The following DST variants were observed in gnomAD, a reference collection of about 807,000 sequenced individuals.
The protein encoded by DST is bullous pemphigoid antigen.
Under a neutral mutation model 875.2 loss-of-function variants are expected in DST, and 253 were observed. The observed-to-expected ratio is 0.29, with a 90% CI of 0.26 to 0.32. The LOEUF is 0.32. Ranked by LOEUF, DST falls within the 10% of genes least tolerant of loss-of-function variation. The probability of loss-of-function intolerance (pLI) is 1.00; values close to 1 mark genes in which losing one functional copy is unlikely to be tolerated. For missense variants in DST, 8,287 were observed against 9,111.6 expected (o/e 0.91, Z 3.68); for synonymous variants, 3,124 against 3,197.1 (o/e 0.98, Z 0.77).
In DST at chr6:56,463,713, C is replaced by T. The variant is rs1477320329; in HGVS notation, c.22811G>A (p.Gly7604Asp). The change falls in exon 101 of 104, where the codon GGT becomes GAT. Residue 7604 changes from glycine to aspartate, a missense_variant. Gly to Asp is a moderately conservative substitution (Grantham distance 94). Around this residue, in one of 10 missense-constraint regions of DST, gnomAD observed 64 missense variants for 86.2 expected, o/e 0.74. Transcript: ENST00000680361. ...GAAAGCAGCCATACCCTGGCTGGCA[C>T]CATCTGCTAAAATGAACTTCTCACG... ...ELREKFILADGASQGMAAFRP... is the reference protein window; with the variant it reads ...ELREKFILADDASQGMAAFRP... 3.7e-6 allele frequency: 6 copies of T among 1,613,880 alleles called. No homozygotes were observed. In the Admixed American group the frequency reaches 5.0e-5, roughly 13 times the overall value.
intron 4 of DST, among the ~76,000 whole-genome samples, chr6:56,739,613 T>C (rs767242270): frequency 1.3e-5 from 2 of 152,118 alleles, no homozygotes; most frequent in Admixed American, 6.5e-5. Flanking sequence ...CAGGTTGAGA[T>C]AGGAGGTCAG....
chr6:56,598,309 C>G (rs1266661409), intron 46 of DST, among the ~76,000 whole-genome samples, 167 bp downstream of exon 46: 1 of 152,184 alleles, frequency 6.6e-6, no homozygotes, highest in Non-Finnish European at 1.5e-5. Context: ...AAAGCCAACT[C>G]TTCAAACCTT....
rs1405343193 is a variant in DST, at chr6:56,938,130, A to G, written c.216+15655T>C. Among the ~76,000 whole-genome samples, 6 of 125,036 alleles carry G rather than the reference A, an allele frequency of 4.8e-5. 2 individuals are homozygous for G. In the South Asian group the frequency reaches 1.6e-3, roughly 34 times the overall value. The allele number at this position is 125,036 out of a possible 152,430, so 82.0% of individuals were successfully genotyped here. A position where few individuals can be genotyped will look rare whatever the true frequency, so the allele number is the denominator to read the frequency against. On this transcript the variant is annotated intron_variant, in intron 2 of 103. Coordinates refer to ENST00000680361, the MANE Select transcript of DST (RefSeq NM_001374736.1). ...TCTCTATATATATATATATATATATATGTTTAAAAAAAAATTTTTTTGAGA... is the reference window on the plus strand; with the variant it reads ...TCTCTATATATATATATATATATATGTGTTTAAAAAAAAATTTTTTTGAGA...
At chr6:56,745,955 G>A (rs969032866) in intron 4 of DST, among the ~76,000 whole-genome samples, 2 of 152,040 alleles carry the variant, frequency 1.3e-5, no homozygotes. Context: ...CCGTAATGTG[G>A]GTGTGTAAAA....
In DST at chr6:56,506,649, T is replaced by C. The variant is rs921524932; in HGVS notation, c.19362+18A>G. On this transcript the variant is annotated intron_variant, in intron 76 of 103. Transcript: ENST00000680361. ...AAAAACTTTTTAAAAGCCATTCTGATAAGTAAGCCAGTTGTACCTCATCTA... is the reference window on the plus strand; with the variant it reads ...AAAAACTTTTTAAAAGCCATTCTGACAAGTAAGCCAGTTGTACCTCATCTA... 6.2e-7 allele frequency: 1 copy of C among 1,613,066 alleles called. No homozygotes were observed.
At chr6:56,650,855 A>T in intron 12 of DST, 71 bp downstream of exon 12, 1 of 944,516 alleles carries the variant, frequency 1.1e-6, no homozygotes, top group Non-Finnish European at 1.6e-6. Flanking sequence ...TGCAAAAATC[A>T]TTATCAATAA....
At chr6:56,657,150 T>C (rs2152806839) in intron 10 of DST, among the ~76,000 whole-genome samples, 1 of 152,314 alleles carries the variant, frequency 6.6e-6, no homozygotes, top group South Asian at 2.1e-4. Flanking sequence ...ATAAGCATTT[T>C]GTATTGGGGA....
intron 10 of DST, among the ~76,000 whole-genome samples, chr6:56,657,174 A>G (rs2099013083): frequency 6.6e-6 from 1 of 152,142 alleles, no homozygotes; most frequent in Non-Finnish European, 1.5e-5. Context: ...AACATCCACA[A>G]TGTCATCAGG....
chr6:56,897,304 TTG>T (rs1554240547), intron 3 of DST, among the ~76,000 whole-genome samples: 4 of 134,004 alleles, frequency 3.0e-5, no homozygotes, highest in African/African-American at 8.3e-5. Flanking sequence ...TGGTTTTTTT[TTG>T]GGGGGGGGGT....
intron 52 of DST, among the ~76,000 whole-genome samples, 155 bp downstream of exon 52, chr6:56,572,592 T>G (rs1405083853): frequency 6.6e-6 from 1 of 152,200 alleles, no homozygotes; most frequent in Non-Finnish European, 1.5e-5. Flanking sequence ...AAGGAAAAGA[T>G]AAGGTTTGAA....
chr6:56,644,652 T>A (rs2098931734), intron 15 of DST, among the ~76,000 whole-genome samples: 1 of 152,224 alleles, frequency 6.6e-6, no homozygotes. Context: ...ATGAGAGTTC[T>A]AAGCAAGATA....
intron 9 of DST, among the ~76,000 whole-genome samples, chr6:56,685,433 A>T (rs555822032): frequency 3.9e-5 from 6 of 152,294 alleles, no homozygotes; most frequent in African/African-American, 1.2e-4. Context: ...AAGAGATGTA[A>T]ATCAGAACCA....
At position 56,606,497 on chromosome 6, in the gene DST, C is replaced by T; in HGVS notation, c.8131G>A (p.Val2711Ile). ...TGTCCATTCACCTTATCTGAGCCAA[C>T]AGGATTTAAATGTATTTTTTCACCA... ...DSGEKIHLNP[V>I]GSDKVNGQSL... The change falls in exon 40 of 104, where the codon GTT becomes ATT. Residue 2711 changes from valine to isoleucine, a missense_variant. Val to Ile is a conservative substitution (Grantham distance 29). Around this residue, in one of 10 missense-constraint regions of DST, gnomAD observed 3,138 missense variants for 3,116.6 expected, o/e 1.01. Transcript: ENST00000680361. 6.2e-7 allele frequency: 1 copy of T among 1,613,322 alleles called. No individual in the cohort carries two copies. The highest frequency in any genetic ancestry group is 8.5e-7 in the Non-Finnish European group (1 of 1,179,496).
At position 56,650,325 on chromosome 6, in the gene DST, CAAAAAAAAAA is replaced by C. The variant is rs70989721; in HGVS notation, c.1434+591_1434+600del. 8.2e-5 allele frequency among the ~76,000 whole-genome samples: 4 copies of C among 48,692 alleles called. 1 individual carries two copies. Among genetic ancestry groups the C allele is most frequent in the African/African-American group, 7.8e-5 (1 of 12,756 alleles). The allele number at this position is 48,692 out of a possible 152,430, so 31.9% of individuals were successfully genotyped here. On this transcript the variant is annotated intron_variant, in intron 12 of 103. Coordinates refer to ENST00000680361, the MANE Select transcript of DST (RefSeq NM_001374736.1). ...ATAAGCACTTGTTAGCATAACCACC[CAAAAAAAAAA>C]AAAAAAAAAAAAAGCATCACTGAAG...
intron 22 of DST, 111 bp from the exon 23 acceptor site, chr6:56,636,763 T>G: frequency 1.1e-6 from 1 of 923,622 alleles, no homozygotes; most frequent in Non-Finnish European, 1.7e-6. Context: ...AGATGACCAA[T>G]TGTTTTGGCA....
At chr6:56,525,258 T>C (rs907866355) in intron 69 of DST, among the ~76,000 whole-genome samples, 11 of 152,202 alleles carry the variant, frequency 7.2e-5, no homozygotes, top group African/African-American at 2.2e-4. Context: ...TTTTCAATAG[T>C]TAAATAAACT....
At chr6:56,862,232 C>T (rs1022045501) in intron 3 of DST, among the ~76,000 whole-genome samples, 1 of 152,178 alleles carries the variant, frequency 6.6e-6, no homozygotes, top group Admixed American at 6.5e-5. Flanking sequence ...ATCAGCACAG[C>T]AGCTACTTCC....
intron 68 of DST, among the ~76,000 whole-genome samples, 165 bp downstream of exon 68, chr6:56,527,328 A>G (rs763036004): frequency 3.3e-5 from 5 of 152,180 alleles, no homozygotes; most frequent in Non-Finnish European, 5.9e-5. Context: ...CTGGGCTCCT[A>G]AAACTTTAAA....
chr6:56,953,133 G>A (rs1158898525), intron 2 of DST, among the ~76,000 whole-genome samples: 4 of 152,198 alleles, frequency 2.6e-5, no homozygotes, highest in Non-Finnish European at 2.9e-5. Context: ...ATAAGTGGAG[G>A]TTGGCCTGAA....
Sources: allele counts gnomAD v4.1 joint callset (sites outside exome capture counted in the v4.1 genomes callset), GRCh38; gene constraint gnomAD v4.1.1; regional missense constraint gnomAD v4.1.1; transcripts MANE v1.5; gene names NCBI Gene and HGNC (gene_info 2026-07-23, HGNC 2026-07-21).